Variants in VXN observed in about 807,000 individuals in gnomAD.
The protein encoded by VXN is uncharacterized protein C8orf46.
Under a neutral mutation model 23.1 loss-of-function variants are expected in VXN, and 7 were observed. The observed-to-expected ratio is 0.30, with a 90% confidence interval of 0.17 to 0.57. The LOEUF is 0.57. Among genes scored for constraint, VXN ranks in the 20% least tolerant of loss-of-function variants. The pLI is 0.91. For synonymous variants in VXN, 120 were observed against 105.8 expected, an observed-to-expected ratio of 1.13 and a Z score of -0.83; for missense variants, 238 against 272.6, an observed-to-expected ratio of 0.87 and a Z score of 0.89.
intron 4 of VXN, among the ~76,000 whole-genome samples, chr8:66,511,424 T>C (rs569925155): frequency 4.9e-4 from 75 of 152,346 alleles, no homozygotes; most frequent in Non-Finnish European, 9.0e-4. Context: ...GCAGGAGACC[T>C]AATCCAGGGA....
In VXN at chr8:66,517,592, G is replaced by A. The variant is rs965091842; in HGVS notation, c.*1516G>A. On this transcript the variant is annotated 3_prime_UTR_variant, in exon 6 of 6. Transcript: ENST00000305454. ...CTGTGTAAAGATGGAATCTGAGATA[G>A]AAGAATGCTGTGGTCAATTAGTAAT... The A allele has an allele frequency of 6.6e-6, 1 of 152,250 alleles. No homozygotes were observed. Among genetic ancestry groups the A allele is most frequent in the African/African-American group, 2.4e-5 (1 of 41,466 alleles). The allele number at this position is 152,250 out of a possible 1,614,324, so 9.4% of individuals were successfully genotyped here. A position where few individuals can be genotyped will look rare whatever the true frequency, so the allele number is the denominator to read the frequency against.
chr8:66,505,278 G>C, intron 2 of VXN, 97 bp from the exon 3 acceptor site: 2 of 1,466,548 alleles, frequency 1.4e-6, no homozygotes, highest in Non-Finnish European at 1.9e-6. Flanking sequence ...AAACTCCCTC[G>C]ATGCGAGCTC....
intron 2 of VXN, among the ~76,000 whole-genome samples, chr8:66,499,558 G>C (rs1167409714): frequency 1.3e-5 from 2 of 150,164 alleles, no homozygotes; most frequent in Admixed American, 1.3e-4. Flanking sequence ...TTTGTTTTTT[G>C]TTTGTTTGTT....
intron 2 of VXN, chr8:66,501,413 G>A (rs1298932351): frequency 6.6e-6 from 1 of 152,144 alleles, no homozygotes; most frequent in Admixed American, 6.5e-5. Flanking sequence ...CCTTCTCATG[G>A]TCCCTGAAAA....
intron 2 of VXN, among the ~76,000 whole-genome samples, chr8:66,498,171 A>C (rs1807647661): frequency 6.6e-6 from 1 of 151,436 alleles, no homozygotes; most frequent in Non-Finnish European, 1.5e-5. Context: ...CCGTCTCAAA[A>C]AAAAAAAAAA....
At chr8:66,507,139 C>T (rs1807768763) in intron 3 of VXN, among the ~76,000 whole-genome samples, 1 of 152,106 alleles carries the variant, frequency 6.6e-6, no homozygotes, top group Non-Finnish European at 1.5e-5. Context: ...CTGCTCTGGG[C>T]ACAACATATT....
intron 2 of VXN, among the ~76,000 whole-genome samples, chr8:66,504,706 A>G (rs62512583): frequency 0.029 from 4,350 of 152,212 alleles, 189 homozygotes; most frequent in African/African-American, 0.09. Context: ...CCTTTGTTCC[A>G]GCTTATCAAG....
At chr8:66,512,084 G>A (rs866560749) in intron 4 of VXN, among the ~76,000 whole-genome samples, 107 of 141,054 alleles carry the variant, frequency 7.6e-4, no homozygotes, top group African/African-American at 2.6e-3. Context: ...AAAAAAAAAA[G>A]AATGAAGAGG....
At chr8:66,505,067 C>T (rs1807734325) in intron 2 of VXN, among the ~76,000 whole-genome samples, 1 of 152,258 alleles carries the variant, frequency 6.6e-6, no homozygotes. Context: ...CTGCCCGTAT[C>T]TCTGGCCTGA....
At chr8:66,506,997 A>C (rs1224194118) in intron 3 of VXN, among the ~76,000 whole-genome samples, 1 of 152,228 alleles carries the variant, frequency 6.6e-6, no homozygotes, top group Non-Finnish European at 1.5e-5. Flanking sequence ...CATAAAGTGA[A>C]TTTAGAGCCA....
chr8:66,509,544 C>T (rs1201047506), intron 3 of VXN, among the ~76,000 whole-genome samples: 1 of 152,114 alleles, frequency 6.6e-6, no homozygotes, highest in East Asian at 1.9e-4. Flanking sequence ...AGAGGGGTGT[C>T]CACAGCACCG....
At chr8:66,515,806 G>C in intron 5 of VXN, 87 bp from the exon 6 acceptor site, 1 of 1,171,290 alleles carries the variant, frequency 8.5e-7, no homozygotes. Context: ...AGAGGAGAGA[G>C]AGCTCTGGCC....
At chr8:66,505,351 A>G in intron 2 of VXN, 24 bp from the exon 3 acceptor site, 1 of 1,569,890 alleles carries the variant, frequency 6.4e-7, no homozygotes, top group Non-Finnish European at 8.6e-7. Flanking sequence ...GGAGTGGGCT[A>G]ACCGCGTTTC....
chr8:66,498,822 C>T, intron 2 of VXN: 2 of 456,332 alleles, frequency 4.4e-6, no homozygotes, highest in South Asian at 1.5e-5. Flanking sequence ...TTAATATTTA[C>T]AGACTCTACT....
chr8:66,502,410 A>T (rs965609953), intron 2 of VXN, among the ~76,000 whole-genome samples: 2 of 152,208 alleles, frequency 1.3e-5, no homozygotes, highest in African/African-American at 2.4e-5. Context: ...CTCAGATTTC[A>T]AGCTTGTAAG....
chr8:66,493,938 A>C (rs2130538083), intron 1 of VXN, among the ~76,000 whole-genome samples: 1 of 152,274 alleles, frequency 6.6e-6, no homozygotes, highest in Middle Eastern at 3.4e-3. Flanking sequence ...AGAGCAGCTA[A>C]ATACTCCCTG....
chr8:66,497,987 G>A (rs1342918438), intron 2 of VXN, among the ~76,000 whole-genome samples: 2 of 152,108 alleles, frequency 1.3e-5, no homozygotes, highest in Non-Finnish European at 2.9e-5. Flanking sequence ...GGCCAACATG[G>A]AGAAACCCCA....
chr8:66,510,866 T>C (rs962955841), intron 4 of VXN, among the ~76,000 whole-genome samples: 135 of 152,070 alleles, frequency 8.9e-4, no homozygotes, highest in African/African-American at 3.1e-3. Flanking sequence ...CCTAATCACC[T>C]CCCAAAGGTC....
At chr8:66,507,981 G>A (rs1304810731) in intron 3 of VXN, among the ~76,000 whole-genome samples, 1 of 152,194 alleles carries the variant, frequency 6.6e-6, no homozygotes, top group East Asian at 1.9e-4. Flanking sequence ...AACTCTAAAT[G>A]CAGAGACCTG....
Sources: allele counts gnomAD v4.1 joint callset (sites outside exome capture counted in the v4.1 genomes callset), GRCh38; gene constraint gnomAD v4.1.1; transcripts MANE v1.5; gene names NCBI Gene and HGNC (gene_info 2026-07-23, HGNC 2026-07-21).